Variants in USP35 observed in about 807,000 individuals in gnomAD.
USP35 encodes the protein ubiquitin specific peptidase 35, also known as ubiquitin carboxyl-terminal hydrolase 35.
USP35 carries 69 observed loss-of-function variants against 83.8 expected under a neutral mutation model. The ratio of observed to expected loss-of-function variants is 0.82; its 90% CI spans 0.68 to 1.01. The LOEUF (loss-of-function observed/expected upper bound fraction) is 1.01. Among genes scored for constraint, USP35 ranks in the 50% least tolerant of loss-of-function variants. USP35 has a pLI of 0.00. For synonymous variants in USP35, 714 were observed against 589.5 expected (o/e 1.21, Z -3.06); for missense variants, 1,503 against 1,362.5 (o/e 1.10, Z -1.62).
At chr11:78,236,328 G>T in the USP35 span, among the ~76,000 whole-genome samples, 2 of 151,978 alleles carry the variant, frequency 1.3e-5, no homozygotes, top group African/African-American at 4.8e-5. Context: ...TTTTTTTGTT[G>T]TTAAAATACA....
rs1205179132 is a variant in USP35 at position 78,214,646 on chromosome 11, A to AACTT, written c.*834_*837dup. 6.7e-6 allele frequency: 1 copy of AACTT among 150,260 alleles called. No homozygotes were observed. Among genetic ancestry groups the AACTT allele is most frequent in the Non-Finnish European group, 1.5e-5 (1 of 67,886 alleles). 9.3% of individuals were successfully genotyped at this position (150,260 alleles called of 1,614,324 possible). On this transcript the variant is annotated 3_prime_UTR_variant, in exon 11 of 11. Coordinates refer to ENST00000529308, the MANE Select transcript of USP35 (RefSeq NM_020798.4). ...CCTGACACTGCTGTAGCCCCCTTCT[A>AACTT]ACTTCTAACCGAAGACAAGACAGAC...
chr11:78,212,849 T>TAAG (rs1234538200), intron 10 of USP35, among the ~76,000 whole-genome samples: 1 of 152,024 alleles, frequency 6.6e-6, no homozygotes, highest in Non-Finnish European at 1.5e-5. Context: ...ATGCAGTTAA[T>TAAG]AAGTGTGCTG....
downstream of USP35, chr11:78,219,210 G>A: frequency 6.7e-7 from 1 of 1,497,410 alleles, no homozygotes; most frequent in Non-Finnish European, 9.2e-7. Context: ...AGAGGGGAGA[G>A]GGGAGATGGG....
rs1464767293 is a variant in USP35, at chr11:78,196,326, G to A, written c.81G>A (p.Glu27=). ...VKQGLVRRVL[E]AARQPLEREQ... ...AGGGGCTGGTTCGGCGCGTGCTGGA[G>A]GCGGCGCGGCAGCCGCTGGAGCGTG... is the stretch of plus-strand genomic sequence containing the variant. Residue 27 remains glutamate (E), a synonymous_variant, in exon 2 of 11, where the codon GAG becomes GAA. Transcript: ENST00000529308. This position sits in a 1 kb window ranked among gnomAD's most constrained non-coding sequence, Gnocchi z 4.8. 1 of 1,587,194 alleles carries A rather than the reference G, an allele frequency of 6.3e-7. No homozygotes were observed. Among genetic ancestry groups the A allele is most frequent in the East Asian group, 2.3e-5 (1 of 43,288 alleles).
At chr11:78,218,112 CCTT>C, downstream of USP35, 1 of 153,498 alleles carries the variant, frequency 6.5e-6, no homozygotes, top group Non-Finnish European at 1.5e-5. Flanking sequence ...TGCTACATGG[CCTT>C]CACCACTGCT....
At chr11:78,213,581 G>T in intron 10 of USP35, 65 bp from the exon 11 acceptor site, 2 of 1,429,740 alleles carry the variant, frequency 1.4e-6, no homozygotes, top group African/African-American at 1.5e-5. Context: ...GTTGTGCTGG[G>T]TAGACTCACT....
chr11:78,206,072 T>G (rs756405239), intron 7 of USP35, 37 bp downstream of exon 7: 1 of 1,592,674 alleles, frequency 6.3e-7, no homozygotes, highest in African/African-American at 1.3e-5. Context: ...CTGCCCTTGC[T>G]TCTCTCCTCT....
intron 10 of USP35, among the ~76,000 whole-genome samples, chr11:78,212,940 G>A (rs1475361550): frequency 1.3e-5 from 2 of 152,114 alleles, no homozygotes; most frequent in Non-Finnish European, 2.9e-5. Flanking sequence ...CACTACCCAC[G>A]TGAGCCTCCT....
At chr11:78,191,819 C>T (rs1361091649) in intron 1 of USP35, among the ~76,000 whole-genome samples, 1 of 151,522 alleles carries the variant, frequency 6.6e-6, no homozygotes, top group East Asian at 1.9e-4. Context: ...CAAAAATAGA[C>T]TCATGACAGC....
intron 10 of USP35, among the ~76,000 whole-genome samples, chr11:78,212,310 ATACCAG>A (rs1352297646): frequency 3.3e-5 from 5 of 151,996 alleles, no homozygotes; most frequent in Non-Finnish European, 7.3e-5. Context: ...GTCTGTTTTT[ATACCAG>A]TACTATACTA....
At chr11:78,200,882 T>C (rs1358650106) in intron 6 of USP35, 74 bp downstream of exon 6, 9 of 1,510,676 alleles carry the variant, frequency 6.0e-6, no homozygotes, top group Non-Finnish European at 8.0e-6. Context: ...CAGCGGGCCA[T>C]ACCACAGCTT....
At chr11:78,208,713 T>C in intron 8 of USP35, 144 bp from the exon 9 acceptor site, 7 of 851,792 alleles carry the variant, frequency 8.2e-6, no homozygotes, top group Non-Finnish European at 1.3e-5. Context: ...TCAGGGACAA[T>C]AGAAAAGCGG....
the USP35 span, chr11:78,222,304 C>A: frequency 2.8e-6 from 2 of 716,442 alleles, no homozygotes. Flanking sequence ...AAAGTCATTC[C>A]AGTTTCACAC....
At chr11:78,205,547 C>G (rs1484078643) in intron 6 of USP35, among the ~76,000 whole-genome samples, 2 of 152,176 alleles carry the variant, frequency 1.3e-5, no homozygotes, top group African/African-American at 2.4e-5. Context: ...CTGACAGCGA[C>G]CCTGGACAAT....
chr11:78,203,411 C>G (rs929760850), intron 6 of USP35, among the ~76,000 whole-genome samples: 2 of 152,114 alleles, frequency 1.3e-5, no homozygotes, highest in Admixed American at 1.3e-4. Context: ...TTGCACCACT[C>G]GGCTAGATCT....
downstream of USP35, chr11:78,216,126 C>A (rs1864132568): frequency 1.3e-5 from 2 of 152,788 alleles, no homozygotes; most frequent in East Asian, 3.9e-4. Context: ...GTGGATGGGA[C>A]CTCAGCGCAG....
chr11:78,208,818 T>C lies in USP35; in HGVS notation c.1486-39T>C, dbSNP rs759840795. On this transcript the variant is annotated intron_variant, in intron 8 of 10. Coordinates refer to ENST00000529308, the MANE Select transcript of USP35 (RefSeq NM_020798.4). The stretch of plus-strand genomic sequence containing the variant: ...GTGCAGAGCTGGCTGGTGAGTGGCC[T>C]CCTGCTCCTGACCATGCCTTTCGCC... 1.6e-5 allele frequency: 26 copies of C among 1,609,836 alleles called. No homozygotes were observed. The East Asian group carries it at 3.8e-4, about 23-fold the overall frequency.
chr11:78,198,120 C>A, intron 3 of USP35, 52 bp downstream of exon 3: 4 of 1,609,360 alleles, frequency 2.5e-6, no homozygotes, highest in Non-Finnish European at 3.4e-6. Flanking sequence ...TCCCTCTCTT[C>A]CTCTCAGAAG....
chr11:78,222,214 G>C, the USP35 span: 1 of 1,560,178 alleles, frequency 6.4e-7, no homozygotes, highest in Non-Finnish European at 8.8e-7. Flanking sequence ...GGAAAAGAAA[G>C]TCTGGTAATC....
Sources: gnomAD v4.1 joint callset for allele counts (sites outside exome capture counted in the v4.1 genomes callset) on GRCh38, gnomAD v4.1.1 for gene constraint, Gnocchi (gnomAD v3.1) non-coding constraint, MANE v1.5 for transcripts, NCBI Gene and HGNC (gene_info 2026-07-23, HGNC 2026-07-21) for gene names.